Variants in NFATC1 observed in about 807,000 individuals in gnomAD.
NFATC1 encodes the protein nuclear factor of activated T cells 1, also known as nuclear factor of activated T-cells, cytoplasmic 1.
In NFATC1, 22 loss-of-function variants were observed where a neutral mutation model predicts 76.0. That is an observed-to-expected ratio of 0.29 (90% CI 0.21 to 0.41). The LOEUF is 0.41. NFATC1 is among the 10% of genes least tolerant of loss of function. The pLI is 1.00. For missense variants in NFATC1, 1,357 were observed against 1,337.7 expected (o/e 1.01, Z -0.23); for synonymous variants, 704 against 613.1 (o/e 1.15, Z -2.19).
intron 6 of NFATC1, among the ~76,000 whole-genome samples, chr18:79,452,909 G>A (rs956913217): frequency 7.9e-5 from 12 of 152,190 alleles, no homozygotes; most frequent in African/African-American, 2.7e-4. Flanking sequence ...AACCGCGGAG[G>A]CATTCAGCCT....
rs558559108 is a variant in NFATC1, at chr18:79,489,797, G to A, written c.2782+2860G>A. On this transcript the variant is annotated intron_variant, in intron 9 of 9. Coordinates refer to ENST00000427363, the MANE Select transcript of NFATC1 (RefSeq NM_001278669.2). ...ACCCCGAGCGCCAGCCCTGCACACTGTTCTGGTCACAGTTTATGGGTCCTG... is the reference window on the plus strand; with the variant it reads ...ACCCCGAGCGCCAGCCCTGCACACTATTCTGGTCACAGTTTATGGGTCCTG... Among the ~76,000 whole-genome samples the A allele has an allele frequency of 9.2e-4, 140 of 152,372 alleles. 2 individuals carry two copies. Among genetic ancestry groups the A allele is most frequent in the Admixed American group, 1.6e-3 (25 of 15,310 alleles).
At chr18:79,490,595 T>C (rs2089650047) in intron 9 of NFATC1, among the ~76,000 whole-genome samples, 2 of 152,176 alleles carry the variant, frequency 1.3e-5, no homozygotes, top group Non-Finnish European at 1.5e-5. Context: ...TGTTCCTCCC[T>C]GTGAGAAAAG....
At chr18:79,478,197 A>G (rs1198021157) in intron 8 of NFATC1, among the ~76,000 whole-genome samples, 1 of 142,298 alleles carries the variant, frequency 7.0e-6, no homozygotes, top group Non-Finnish European at 1.5e-5. Context: ...GGCACCAACC[A>G]CACAGGAAGC....
chr18:79,409,714 A>ACCATCCAT (rs1324255125), intron 1 of NFATC1, among the ~76,000 whole-genome samples: 2 of 152,062 alleles, frequency 1.3e-5, no homozygotes, highest in Non-Finnish European at 2.9e-5. Flanking sequence ...CCACCCACCA[A>ACCATCCAT]CCATCCATCC....
chr18:79,511,091 A>G (rs75546700), intron 9 of NFATC1, among the ~76,000 whole-genome samples: 5,756 of 152,314 alleles, frequency 0.038, 148 homozygotes, highest in East Asian at 0.11. Flanking sequence ...AGAGCTAACG[A>G]GAGTCCACCA....
In NFATC1 at chr18:79,400,222, G is replaced by C. The variant is rs976486807; in HGVS notation, c.127+3871G>C. ...TTAAAACTCGGAAGCCGGCGGCCGC[G>C]AGCCGGTTGTTTATGTAAACCCGGA... On this transcript the variant is annotated intron_variant, in intron 1 of 9. Coordinates refer to ENST00000427363, the MANE Select transcript of NFATC1 (RefSeq NM_001278669.2). The C allele has an allele frequency of 1.5e-4, 177 of 1,194,400 alleles. No homozygotes were observed. In the South Asian group the frequency reaches 5.5e-3, roughly 37 times the overall value. 74.0% of individuals were successfully genotyped at this position (1,194,400 alleles called of 1,614,324 possible). A position where few individuals can be genotyped will look rare whatever the true frequency, so the allele number is the denominator to read the frequency against.
intron 6 of NFATC1, among the ~76,000 whole-genome samples, chr18:79,455,529 A>G (rs948909765): frequency 2.6e-5 from 4 of 152,162 alleles, no homozygotes; most frequent in Non-Finnish European, 4.4e-5. Context: ...GCCTGGACCC[A>G]GTGCCGTGCC....
intron 3 of NFATC1, among the ~76,000 whole-genome samples, chr18:79,440,492 G>A (rs2144711075): frequency 6.6e-6 from 1 of 152,386 alleles, no homozygotes; most frequent in East Asian, 1.9e-4. Flanking sequence ...GTGGGGCCTG[G>A]TCCTTCCTCG....
At chr18:79,398,543 AG>A (rs527696845) in intron 1 of NFATC1, among the ~76,000 whole-genome samples, 6 of 152,006 alleles carry the variant, frequency 3.9e-5, no homozygotes, top group Middle Eastern at 3.2e-3. Context: ...GGGCGGGGGA[AG>A]GGGGGGCTCC....
chr18:79,486,819 G>C lies in NFATC1; in HGVS notation c.2664G>C (p.Pro888=). 6.2e-7 allele frequency: 1 copy of C among 1,611,658 alleles called. No homozygotes were observed. Among genetic ancestry groups the C allele is most frequent in the Non-Finnish European group, 8.5e-7 (1 of 1,179,438 alleles). The change falls in exon 9 of 10, where the codon CCG becomes CCC. Residue 888 remains proline (P), a synonymous_variant. Transcript: ENST00000427363. The part of the protein sequence containing the change: ...LPSTVRRDES[P]TAGPRLLPEV... ...CCACGGTCCGCAGGGACGAGTCTCC[G>C]ACTGCCGGGCCACGGCTGCTGCCAG...
intron 9 of NFATC1, among the ~76,000 whole-genome samples, chr18:79,504,639 G>A (rs1300438375): frequency 6.6e-6 from 1 of 152,230 alleles, no homozygotes; most frequent in Non-Finnish European, 1.5e-5. Context: ...GAAACGTGGT[G>A]CCCACAGACA....
At chr18:79,516,731 T>C (rs1038865172) in intron 9 of NFATC1, among the ~76,000 whole-genome samples, 1 of 152,244 alleles carries the variant, frequency 6.6e-6, no homozygotes, top group Admixed American at 6.5e-5. Flanking sequence ...AGGCGGCCTC[T>C]TCAGTTACCT....
At chr18:79,423,893 G>A (rs912363147) in intron 2 of NFATC1, among the ~76,000 whole-genome samples, 3 of 152,238 alleles carry the variant, frequency 2.0e-5, no homozygotes, top group Non-Finnish European at 4.4e-5. Flanking sequence ...CTTCAGGGAG[G>A]GTTGGACGGG....
At chr18:79,417,193 A>T (rs1199769291) in intron 2 of NFATC1, among the ~76,000 whole-genome samples, 3 of 44,058 alleles carry the variant, frequency 6.8e-5, no homozygotes, top group African/African-American at 1.9e-4. Context: ...GTGGTGGGAG[A>T]TGGGAGATGG....
intron 9 of NFATC1, among the ~76,000 whole-genome samples, chr18:79,518,233 A>G (rs2090430852): frequency 6.6e-6 from 1 of 152,132 alleles, no homozygotes; most frequent in Admixed American, 6.5e-5. Flanking sequence ...AGCTTTTCCC[A>G]TCGCTTTCCC....
In NFATC1 at chr18:79,410,861, C is replaced by A. The variant is rs745532494; in HGVS notation, c.586C>A (p.Pro196Thr). ...CTCCTACGAGTCCAACTACTCGTAC[C>A]CGTACGCGTCCCCCCAGACGTCGCC... ...ASSYESNYSYPYASPQTSPWQ... is the reference protein window; with the variant it reads ...ASSYESNYSYTYASPQTSPWQ... Residue 196 changes from proline to threonine, a missense_variant, in exon 2 of 10, where the codon CCG becomes ACG. Pro to Thr is a conservative substitution (Grantham distance 38). Coordinates refer to ENST00000427363, the MANE Select transcript of NFATC1 (RefSeq NM_001278669.2). The surrounding 1 kb of genome is among the most constrained non-coding windows in gnomAD (Gnocchi z 6.7). 1 of 1,609,832 alleles carries A rather than the reference C, an allele frequency of 6.2e-7. No homozygotes were observed. Among genetic ancestry groups the A allele is most frequent in the Non-Finnish European group, 8.5e-7 (1 of 1,178,676 alleles).
intron 2 of NFATC1, among the ~76,000 whole-genome samples, chr18:79,420,033 C>T (rs1317547330): frequency 6.6e-6 from 1 of 152,196 alleles, no homozygotes; most frequent in Non-Finnish European, 1.5e-5. Flanking sequence ...TGGGGAGAGA[C>T]AGTAGTTGTA....
At chr18:79,473,466 G>T (rs1044335787) in intron 8 of NFATC1, among the ~76,000 whole-genome samples, 1 of 150,216 alleles carries the variant, frequency 6.7e-6, no homozygotes, top group Non-Finnish European at 1.5e-5. Flanking sequence ...CATTGTCGAC[G>T]TAAACCCCAG....
rs218002 is a variant in NFATC1, at chr18:79,528,863, A to T, written c.*1286A>T. 6.6e-6 allele frequency: 1 copy of T among 152,632 alleles called. No homozygotes were observed. The highest frequency in any genetic ancestry group is 1.5e-5 in the Non-Finnish European group (1 of 68,054). The allele number at this position is 152,632 out of a possible 1,614,324, so 9.5% of individuals were successfully genotyped here. On this transcript the variant is annotated 3_prime_UTR_variant, in exon 10 of 10. Coordinates refer to ENST00000427363, the MANE Select transcript of NFATC1 (RefSeq NM_001278669.2). ...AGTTGCTTATTACGTATGATTACTCACAGCGATCTATTGTTCCATATAACC... is the reference window on the plus strand; with the variant it reads ...AGTTGCTTATTACGTATGATTACTCTCAGCGATCTATTGTTCCATATAACC...
Sources: allele counts gnomAD v4.1 joint callset (sites outside exome capture counted in the v4.1 genomes callset), GRCh38; gene constraint gnomAD v4.1.1; non-coding constraint Gnocchi (gnomAD v3.1); transcripts MANE v1.5; gene names NCBI Gene and HGNC (gene_info 2026-07-23, HGNC 2026-07-21).